Variants in GNAL observed in about 807,000 individuals in gnomAD.
The protein encoded by GNAL is guanine nucleotide-binding protein G(olf) subunit alpha.
A neutral mutation model predicts 55.1 loss-of-function variants in GNAL; 18 were observed. The ratio of observed to expected loss-of-function variants is 0.33; its 90% CI spans 0.23 to 0.48. The LOEUF (loss-of-function observed/expected upper bound fraction) is 0.48. GNAL is among the 20% of genes least tolerant of loss of function. The probability of loss-of-function intolerance (pLI) is 0.99; values close to 1 mark genes in which losing one functional copy is unlikely to be tolerated. For missense variants in GNAL, 412 were observed against 614.1 expected (o/e 0.67, Z 3.48); for synonymous variants, 253 against 237.0 (o/e 1.07, Z -0.62).
intron 4 of GNAL, among the ~76,000 whole-genome samples, chr18:11,814,106 A>G (rs2034891805): frequency 6.6e-6 from 1 of 152,218 alleles, no homozygotes; most frequent in Non-Finnish European, 1.5e-5. Flanking sequence ...AAAAAAATGG[A>G]AGAAATATTT....
chr18:11,727,963 G>C (rs1019832529), intron 1 of GNAL, among the ~76,000 whole-genome samples: 1 of 152,114 alleles, frequency 6.6e-6, no homozygotes, highest in African/African-American at 2.4e-5. Flanking sequence ...ATGATGGCTC[G>C]TGCCTATAAC....
intron 1 of GNAL, among the ~76,000 whole-genome samples, chr18:11,705,029 G>A (rs1323056110): frequency 1.3e-5 from 2 of 151,852 alleles, no homozygotes; most frequent in Non-Finnish European, 2.9e-5. Context: ...TCTTCTATAT[G>A]GGGACAACGT....
intron 1 of GNAL, among the ~76,000 whole-genome samples, chr18:11,741,171 T>G (rs963879513): frequency 6.6e-6 from 1 of 152,186 alleles, no homozygotes; most frequent in Non-Finnish European, 1.5e-5. Context: ...TGATTTTTCC[T>G]TTTGGAATTA....
intron 11 of GNAL, among the ~76,000 whole-genome samples, chr18:11,879,461 A>G (rs1022139416): frequency 4.6e-5 from 7 of 152,164 alleles, no homozygotes; most frequent in African/African-American, 1.4e-4. Context: ...TATTTCTCAC[A>G]GCTCTGGAGG....
Position 11,689,615 on chromosome 18 carries a change from G to T in GNAL, c.52G>T (p.Asp18Tyr). ...GCTGCTTTTCGGGGGCCCAGGGGAC[G>T]ACCCCTGCGCGGCCTCGGAGCCGCC... ...RPLLFGGPGD[D>Y]PCAASEPPVE... The change falls in exon 1 of 12, where the codon GAC becomes TAC. Residue 18 changes from aspartate to tyrosine, a missense_variant. Physicochemically the swap from Asp to Tyr is radical, Grantham distance 160. Coordinates refer to ENST00000334049, the MANE Select transcript of GNAL (RefSeq NM_182978.4). 7.4e-7 allele frequency: 1 copy of T among 1,347,500 alleles called. No individual in the cohort carries two copies. Among genetic ancestry groups the T allele is most frequent in the South Asian group, 1.9e-5 (1 of 51,742 alleles). 83.5% of individuals were successfully genotyped at this position (1,347,500 alleles called of 1,614,324 possible).
chr18:11,851,713 A>G, intron 5 of GNAL: 1 of 1,614,030 alleles, frequency 6.2e-7, no homozygotes, highest in South Asian at 1.1e-5. Context: ...TTTCTTGAGA[A>G]TGAGTGCGCG....
intron 10 of GNAL, among the ~76,000 whole-genome samples, chr18:11,875,536 G>A (rs1260097367): frequency 6.6e-6 from 1 of 152,104 alleles, no homozygotes; most frequent in Non-Finnish European, 1.5e-5. Context: ...TAGTGAATGG[G>A]TTCTGCAACA....
chr18:11,802,045 C>G (rs1012485317), intron 4 of GNAL, among the ~76,000 whole-genome samples: 1 of 152,130 alleles, frequency 6.6e-6, no homozygotes, highest in Non-Finnish European at 1.5e-5. Context: ...CAAATATAAA[C>G]TTGGTTACCT....
intron 1 of GNAL, among the ~76,000 whole-genome samples, chr18:11,712,912 G>A (rs1055051540): frequency 6.6e-6 from 1 of 152,108 alleles, no homozygotes; most frequent in African/African-American, 2.4e-5. Flanking sequence ...CGTGGGCAAG[G>A]GATGAGAGAG....
chr18:11,857,384 TGA>T, intron 5 of GNAL: 1 of 590,848 alleles, frequency 1.7e-6, no homozygotes, highest in Non-Finnish European at 2.1e-6. Context: ...ACACAGGATC[TGA>T]GAGGCCAAAA....
intron 4 of GNAL, among the ~76,000 whole-genome samples, chr18:11,782,356 A>G (rs1316541916): frequency 6.6e-6 from 1 of 152,200 alleles, no homozygotes; most frequent in African/African-American, 2.4e-5. Flanking sequence ...AATTACAGCC[A>G]CATGCAATGA....
chr18:11,777,797 C>G (rs2033824662), intron 4 of GNAL, among the ~76,000 whole-genome samples: 1 of 152,168 alleles, frequency 6.6e-6, no homozygotes, highest in African/African-American at 2.4e-5. Context: ...ATCCTAAGAG[C>G]TGGAGACATA....
intron 5 of GNAL, among the ~76,000 whole-genome samples, chr18:11,844,824 A>G (rs757872712): frequency 1.1e-4 from 17 of 152,264 alleles, no homozygotes; most frequent in Non-Finnish European, 2.2e-4. Context: ...CAATTTGTAC[A>G]TTCGCCATTT....
At chr18:11,731,829 C>G (rs1199054666) in intron 1 of GNAL, among the ~76,000 whole-genome samples, 1 of 152,168 alleles carries the variant, frequency 6.6e-6, no homozygotes, top group Non-Finnish European at 1.5e-5. Context: ...GCCCTGGACC[C>G]ACTAGCAGTC....
At chr18:11,781,462 T>C (rs1466722349) in intron 4 of GNAL, among the ~76,000 whole-genome samples, 1 of 152,218 alleles carries the variant, frequency 6.6e-6, no homozygotes, top group Non-Finnish European at 1.5e-5. Context: ...AAAAATCTAT[T>C]ATTAAACACT....
chr18:11,759,200 A>T (rs1034257944), intron 4 of GNAL, among the ~76,000 whole-genome samples: 1 of 152,192 alleles, frequency 6.6e-6, no homozygotes, highest in Non-Finnish European at 1.5e-5. Context: ...AAGAAAAGAA[A>T]AAAGAAGAAA....
chr18:11,714,379 A>G lies in GNAL; in HGVS notation c.376+24440A>G, dbSNP rs78990059. ...GGGGAAGGAGGGAAGAAAAAAAGGGACAGTAGGTGCTGAGGTGAGTGGTCA... is the reference window on the plus strand; with the variant it reads ...GGGGAAGGAGGGAAGAAAAAAAGGGGCAGTAGGTGCTGAGGTGAGTGGTCA... On this transcript the variant is annotated intron_variant, in intron 1 of 11. Coordinates refer to ENST00000334049, the MANE Select transcript of GNAL (RefSeq NM_182978.4). 4.8e-3 allele frequency among the ~76,000 whole-genome samples: 728 copies of G among 152,246 alleles called. 3 individuals are homozygous for G. The highest frequency in any genetic ancestry group is 0.016 in the African/African-American group (682 of 41,548).
chr18:11,828,703 A>G (rs1249628), intron 5 of GNAL, among the ~76,000 whole-genome samples: 144,293 of 152,152 alleles, frequency 0.95, 68,469 homozygotes, highest in East Asian at 0.97. Flanking sequence ...TCACCGTAGT[A>G]ATAGAATTAA....
intron 10 of GNAL, among the ~76,000 whole-genome samples, chr18:11,876,060 A>G (rs760072191): frequency 1.3e-5 from 2 of 152,204 alleles, no homozygotes; most frequent in Non-Finnish European, 2.9e-5. Context: ...ATATTGTTGC[A>G]TTGGAGATTA....
Sources: allele counts gnomAD v4.1 joint callset (sites outside exome capture counted in the v4.1 genomes callset), GRCh38; gene constraint gnomAD v4.1.1; transcripts MANE v1.5; gene names NCBI Gene and HGNC (gene_info 2026-07-23, HGNC 2026-07-21).